Variants in ITPK1 observed in about 807,000 individuals in gnomAD.
ITPK1 encodes inositol-tetrakisphosphate 1-kinase, also known as inositol 1,3,4-trisphosphate 5/6-kinase.
Under a neutral mutation model 45.3 loss-of-function variants are expected in ITPK1, and 21 were observed. The ratio of observed to expected loss-of-function variants is 0.46; its 90% CI spans 0.33 to 0.67. The LOEUF (loss-of-function observed/expected upper bound fraction) is 0.67, where lower values mean the gene tolerates loss of function less well. Ranked by LOEUF, ITPK1 falls within the 30% of genes least tolerant of loss-of-function variation. ITPK1 has a pLI of 0.02. For synonymous variants in ITPK1, 258 were observed against 253.6 expected (o/e 1.02, Z -0.16); for missense variants, 474 against 573.5 (o/e 0.83, Z 1.77).
intron 2 of ITPK1, among the ~76,000 whole-genome samples, chr14:93,111,147 G>A (rs755899629): frequency 1.3e-5 from 2 of 152,106 alleles, no homozygotes; most frequent in African/African-American, 4.8e-5. Flanking sequence ...AGACAGATAA[G>A]GTTCACCCAA....
At chr14:93,061,260 C>A (rs938175936) in intron 3 of ITPK1, among the ~76,000 whole-genome samples, 8 of 152,238 alleles carry the variant, frequency 5.3e-5, no homozygotes, top group Non-Finnish European at 1.0e-4. Context: ...CCCTTCTTAA[C>A]CTTAGAGGTT....
At chr14:92,950,380 G>A (rs972025080) in intron 9 of ITPK1, among the ~76,000 whole-genome samples, 3 of 152,252 alleles carry the variant, frequency 2.0e-5, no homozygotes, top group Non-Finnish European at 4.4e-5. Context: ...GCCAGCCTGC[G>A]GGCGTCCAGG....
intron 3 of ITPK1, among the ~76,000 whole-genome samples, chr14:93,044,765 G>A (rs1192256374): frequency 6.6e-6 from 1 of 152,194 alleles, no homozygotes; most frequent in Non-Finnish European, 1.5e-5. Context: ...TGGCCAGAAG[G>A]GCCACCGCAA....
At chr14:93,026,550 A>G (rs1192009164) in intron 3 of ITPK1, among the ~76,000 whole-genome samples, 2 of 152,244 alleles carry the variant, frequency 1.3e-5, no homozygotes, top group Non-Finnish European at 2.9e-5. Flanking sequence ...TCTCGACGGC[A>G]GCAAGTTGGT....
chr14:92,978,416 G>A (rs544795547), intron 5 of ITPK1, among the ~76,000 whole-genome samples: 1 of 152,124 alleles, frequency 6.6e-6, no homozygotes, highest in East Asian at 1.9e-4. Context: ...TTTCTGAGGA[G>A]GAACTCAAAG....
intron 3 of ITPK1, among the ~76,000 whole-genome samples, chr14:93,028,999 C>T (rs1050287704): frequency 2.0e-5 from 3 of 152,210 alleles, no homozygotes; most frequent in South Asian, 2.1e-4. Flanking sequence ...TATTCCTCCC[C>T]GTGGCCCCTG....
At chr14:93,004,309 G>C (rs1953636592) in intron 4 of ITPK1, among the ~76,000 whole-genome samples, 1 of 152,248 alleles carries the variant, frequency 6.6e-6, no homozygotes, top group Non-Finnish European at 1.5e-5. Flanking sequence ...TGTTTTGCCT[G>C]GATTCAGTCC....
intron 5 of ITPK1, among the ~76,000 whole-genome samples, chr14:92,978,462 T>C (rs766038137): frequency 2.0e-5 from 3 of 152,012 alleles, no homozygotes; most frequent in East Asian, 1.9e-4. Context: ...TGAAGGCTAA[T>C]AGCCAAGACA....
At chr14:92,971,731 G>A (rs751384342) in intron 5 of ITPK1, among the ~76,000 whole-genome samples, 18 of 152,218 alleles carry the variant, frequency 1.2e-4, no homozygotes, top group Non-Finnish European at 2.2e-4. Context: ...GACTGGGACC[G>A]CCAATGCTCT....
chr14:93,095,256 A>G (rs744479), intron 2 of ITPK1, among the ~76,000 whole-genome samples: 1 of 152,206 alleles, frequency 6.6e-6, no homozygotes, highest in African/African-American at 2.4e-5. Context: ...ATTTGTAGTA[A>G]TTGTAAATAA....
intron 3 of ITPK1, among the ~76,000 whole-genome samples, chr14:93,046,495 G>C (rs1889775461): frequency 6.6e-6 from 1 of 151,966 alleles, no homozygotes; most frequent in African/African-American, 2.4e-5. Context: ...ATGGTGATTG[G>C]GCAGGACGCA....
chr14:93,048,581 A>C (rs1889879608), intron 3 of ITPK1, among the ~76,000 whole-genome samples: 2 of 152,150 alleles, frequency 1.3e-5, no homozygotes, highest in Non-Finnish European at 2.9e-5. Flanking sequence ...AAAGCTCCTG[A>C]TACTCCCACA....
chr14:92,950,605 C>G (rs367545038), intron 9 of ITPK1, among the ~76,000 whole-genome samples: 24 of 152,322 alleles, frequency 1.6e-4, no homozygotes, highest in African/African-American at 5.5e-4. Flanking sequence ...CTGAGGTCAA[C>G]AAGTGATAAT....
At chr14:93,040,463 G>A (rs1889511175) in intron 3 of ITPK1, among the ~76,000 whole-genome samples, 1 of 152,170 alleles carries the variant, frequency 6.6e-6, no homozygotes, top group African/African-American at 2.4e-5. Flanking sequence ...ATGAGGTCAA[G>A]GCCCCTGGCC....
chr14:92,976,175 C>T (rs78846486), intron 5 of ITPK1, among the ~76,000 whole-genome samples: 2,443 of 152,306 alleles, frequency 0.016, 78 homozygotes, highest in African/African-American at 0.056. Flanking sequence ...CTATAACTTA[C>T]ACCACCAGCT....
intron 10 of ITPK1, among the ~76,000 whole-genome samples, chr14:92,945,015 G>C (rs1317542862): frequency 2.6e-5 from 4 of 152,134 alleles, no homozygotes; most frequent in Non-Finnish European, 5.9e-5. Context: ...GTAGCCACAG[G>C]GCTCCACGGT....
chr14:92,973,076 TG>T (rs1412736536), intron 5 of ITPK1, among the ~76,000 whole-genome samples: 1 of 152,240 alleles, frequency 6.6e-6, no homozygotes, highest in Non-Finnish European at 1.5e-5. Flanking sequence ...CCCATGCTGC[TG>T]CCTCGAGTGG....
intron 2 of ITPK1, among the ~76,000 whole-genome samples, chr14:93,105,954 C>T (rs1892507801): frequency 6.6e-6 from 1 of 152,186 alleles, no homozygotes; most frequent in Admixed American, 6.5e-5. Context: ...ATCCGCCCGC[C>T]TCAGCCTCCC....
intron 5 of ITPK1, among the ~76,000 whole-genome samples, chr14:92,978,644 G>T (rs1886070218): frequency 6.6e-6 from 1 of 152,120 alleles, no homozygotes; most frequent in South Asian, 2.1e-4. Context: ...AGCTCCAGCA[G>T]TGGCTAAAAG....
Sources: allele counts gnomAD v4.1 joint callset (sites outside exome capture counted in the v4.1 genomes callset), GRCh38; gene constraint gnomAD v4.1.1; transcripts MANE v1.5; gene names NCBI Gene and HGNC (gene_info 2026-07-23, HGNC 2026-07-21).